The following ST6GALNAC3 variants were observed in gnomAD, a reference collection of about 807,000 sequenced individuals.
ST6GALNAC3 encodes alpha-N-acetylgalactosaminide alpha-2,6-sialyltransferase 3.
Under a neutral mutation model 32.7 loss-of-function variants are expected in ST6GALNAC3, and 25 were observed. The ratio of observed to expected loss-of-function variants is 0.76; its 90% CI spans 0.56 to 1.07. The LOEUF (loss-of-function observed/expected upper bound fraction) is 1.07, where lower values mean the gene tolerates loss of function less well. Ranked by LOEUF, ST6GALNAC3 falls within the 50% of genes least tolerant of loss-of-function variation. The pLI, the probability that ST6GALNAC3 is intolerant of heterozygous loss-of-function variation, is 0.00. For synonymous variants in ST6GALNAC3, 129 were observed against 133.1 expected (o/e 0.97, Z 0.21); for missense variants, 355 against 382.4 (o/e 0.93, Z 0.60).
At chr1:76,325,538 G>A (rs891210918) in intron 2 of ST6GALNAC3, among the ~76,000 whole-genome samples, 1 of 151,672 alleles carries the variant, frequency 6.6e-6, no homozygotes, top group Non-Finnish European at 1.5e-5. Context: ...GTATGGTGTT[G>A]TATTTTGCCA....
At chr1:76,354,951 A>G (rs1649317714) in intron 2 of ST6GALNAC3, among the ~76,000 whole-genome samples, 1 of 152,212 alleles carries the variant, frequency 6.6e-6, no homozygotes, top group Admixed American at 6.5e-5. Context: ...AAAAATTGCT[A>G]AATTATTTGA....
chr1:76,316,596 A>G (rs1358984674), intron 2 of ST6GALNAC3, among the ~76,000 whole-genome samples: 2 of 152,074 alleles, frequency 1.3e-5, no homozygotes, highest in African/African-American at 4.8e-5. Context: ...GGAAAAAAAA[A>G]GCAAGGAAAT....
At chr1:76,104,227 A>AT (rs1647367852) in intron 1 of ST6GALNAC3, among the ~76,000 whole-genome samples, 1 of 152,018 alleles carries the variant, frequency 6.6e-6, no homozygotes, top group Non-Finnish European at 1.5e-5. Context: ...TATTCGTACA[A>AT]TTTTTTACAG....
At chr1:76,210,891 C>G (rs547021658) in intron 1 of ST6GALNAC3, among the ~76,000 whole-genome samples, 5 of 152,142 alleles carry the variant, frequency 3.3e-5, no homozygotes, top group Non-Finnish European at 5.9e-5. Flanking sequence ...GGGTTACAGG[C>G]ACCTGTCACC....
At chr1:76,124,021 G>A (rs1196024006) in intron 1 of ST6GALNAC3, among the ~76,000 whole-genome samples, 1 of 152,142 alleles carries the variant, frequency 6.6e-6, no homozygotes. Flanking sequence ...AAAGTGTTGG[G>A]ATTACAGGCA....
chr1:76,523,047 T>A (rs1236267400), intron 3 of ST6GALNAC3, among the ~76,000 whole-genome samples: 1 of 152,188 alleles, frequency 6.6e-6, no homozygotes, highest in Admixed American at 6.6e-5. Flanking sequence ...GTGTTCCAGT[T>A]TATTCCTGTG....
intron 1 of ST6GALNAC3, among the ~76,000 whole-genome samples, chr1:76,245,336 G>A (rs1557723305): frequency 6.6e-6 from 1 of 151,814 alleles, no homozygotes; most frequent in African/African-American, 2.4e-5. Context: ...TTCTTTATTA[G>A]TCTAGCTAGT....
At chr1:76,548,064 G>T (rs1049602826) in intron 3 of ST6GALNAC3, among the ~76,000 whole-genome samples, 3 of 152,060 alleles carry the variant, frequency 2.0e-5, no homozygotes, top group African/African-American at 7.2e-5. Flanking sequence ...CAATTGCAAA[G>T]CCTTCATAGT....
At chr1:76,353,070 A>G (rs1307706313) in intron 2 of ST6GALNAC3, among the ~76,000 whole-genome samples, 1 of 152,066 alleles carries the variant, frequency 6.6e-6, no homozygotes, top group East Asian at 1.9e-4. Context: ...TCTTAAATAT[A>G]CAACTAGAAT....
chr1:76,435,175 A>T (rs1656055676), intron 3 of ST6GALNAC3, among the ~76,000 whole-genome samples: 1 of 152,156 alleles, frequency 6.6e-6, no homozygotes, highest in Non-Finnish European at 1.5e-5. Context: ...TATAAAATTG[A>T]CTTAAACGTC....
chr1:76,472,278 T>C (rs1296657949), intron 3 of ST6GALNAC3, among the ~76,000 whole-genome samples: 1 of 152,220 alleles, frequency 6.6e-6, no homozygotes, highest in African/African-American at 2.4e-5. Context: ...AACAAGAGAT[T>C]GGAAGCCTTT....
At chr1:76,530,917 G>T (rs945669448) in intron 3 of ST6GALNAC3, among the ~76,000 whole-genome samples, 2 of 152,210 alleles carry the variant, frequency 1.3e-5, no homozygotes, top group Admixed American at 1.3e-4. Flanking sequence ...AATGAAAGGG[G>T]CAGAGAAGTT....
chr1:76,188,529 G>A (rs1653710105), intron 1 of ST6GALNAC3, among the ~76,000 whole-genome samples: 1 of 152,086 alleles, frequency 6.6e-6, no homozygotes, highest in Non-Finnish European at 1.5e-5. Flanking sequence ...TTAAGCACTT[G>A]GGCCTGGTCA....
At chr1:76,367,449 A>G (rs1253395450) in intron 2 of ST6GALNAC3, among the ~76,000 whole-genome samples, 1 of 152,158 alleles carries the variant, frequency 6.6e-6, no homozygotes, top group Non-Finnish European at 1.5e-5. Context: ...GAGGAAATAA[A>G]CATAACTAAG....
At chr1:76,276,344 A>G (rs1318597475) in intron 1 of ST6GALNAC3, among the ~76,000 whole-genome samples, 3 of 152,070 alleles carry the variant, frequency 2.0e-5, no homozygotes, top group Admixed American at 6.5e-5. Context: ...GTATAATTTT[A>G]CCCTTTATGT....
At chr1:76,213,900 C>T (rs1434884901) in intron 1 of ST6GALNAC3, among the ~76,000 whole-genome samples, 1 of 152,098 alleles carries the variant, frequency 6.6e-6, no homozygotes, top group Non-Finnish European at 1.5e-5. Flanking sequence ...ATGAATTCCA[C>T]GTATGACCAC....
chr1:76,604,662 A>G (rs1270288666), intron 3 of ST6GALNAC3, among the ~76,000 whole-genome samples: 1 of 152,110 alleles, frequency 6.6e-6, no homozygotes, highest in African/African-American at 2.4e-5. Context: ...TCATACTCTA[A>G]ATTCATATTG....
At chr1:76,283,258 C>G (rs1659599968) in intron 1 of ST6GALNAC3, among the ~76,000 whole-genome samples, 1 of 152,068 alleles carries the variant, frequency 6.6e-6, no homozygotes, top group Non-Finnish European at 1.5e-5. Context: ...GGCTTTTTTT[C>G]TTTAAAAGAA....
chr1:76,329,276 G>T (rs1471512991), intron 2 of ST6GALNAC3, among the ~76,000 whole-genome samples: 1 of 151,970 alleles, frequency 6.6e-6, no homozygotes, highest in South Asian at 2.1e-4. Context: ...CCTAAGTTTT[G>T]CAGGCTACAT....
Sources: allele counts gnomAD v4.1 joint callset (sites outside exome capture counted in the v4.1 genomes callset), GRCh38; gene constraint gnomAD v4.1.1; transcripts MANE v1.5; gene names NCBI Gene and HGNC (gene_info 2026-07-23, HGNC 2026-07-21).